Variants in NCOA5 observed in about 807,000 individuals in gnomAD.
NCOA5 encodes nuclear receptor coactivator 5.
In NCOA5, 12 loss-of-function variants were observed where a neutral mutation model predicts 59.0. The observed-to-expected ratio is 0.20, with a 90% CI of 0.13 to 0.33. NCOA5 has a LOEUF of 0.33. Ranked by LOEUF, NCOA5 falls within the 10% of genes least tolerant of loss-of-function variation. The probability of loss-of-function intolerance (pLI) is 1.00; values close to 1 mark genes in which losing one functional copy is unlikely to be tolerated. For synonymous variants in NCOA5, 270 were observed against 275.5 expected (o/e 0.98, Z 0.20); for missense variants, 655 against 766.6 (o/e 0.85, Z 1.72).
At chr20:46,076,199 C>T (rs1204021015) in intron 2 of NCOA5, among the ~76,000 whole-genome samples, 1 of 150,374 alleles carries the variant, frequency 6.7e-6, no homozygotes, top group Non-Finnish European at 1.5e-5. Flanking sequence ...TTTTTTTTCC[C>T]CTGTGAATGA....
rs1291201014 is a variant in NCOA5, at chr20:46,061,206, AC to A, written c.*1093del. ...CTCACCCCTGCTAGAGGACCTCAAGACTGTGATCCACAGGGCTCTACTGAGC... is the reference window on the plus strand; with the variant it reads ...CTCACCCCTGCTAGAGGACCTCAAGATGTGATCCACAGGGCTCTACTGAGC... On this transcript the variant is annotated 3_prime_UTR_variant, in exon 8 of 8. Transcript: ENST00000290231. The A allele has an allele frequency of 6.6e-6, 1 of 152,444 alleles. No homozygotes were observed. The highest frequency in any genetic ancestry group is 2.4e-5 in the African/African-American group (1 of 41,418). The allele number at this position is 152,444 out of a possible 1,614,324, so 9.4% of individuals were successfully genotyped here.
intron 1 of NCOA5, among the ~76,000 whole-genome samples, chr20:46,080,946 G>C (rs2084985815): frequency 6.6e-6 from 1 of 152,064 alleles, no homozygotes; most frequent in African/African-American, 2.4e-5. Context: ...ATAATGACAG[G>C]CCTTATAGGG....
At chr20:46,068,172 G>A (rs2084844110) in intron 4 of NCOA5, among the ~76,000 whole-genome samples, 1 of 152,144 alleles carries the variant, frequency 6.6e-6, no homozygotes, top group African/African-American at 2.4e-5. Flanking sequence ...GGGCTCAAGT[G>A]ATCTGCCGGC....
Position 46,065,095 on chromosome 20 carries a change from C to T in NCOA5, c.763G>A (p.Val255Ile). 1 of 1,614,164 alleles carries T rather than the reference C, an allele frequency of 6.2e-7. No individual in the cohort carries two copies. Among genetic ancestry groups the T allele is most frequent in the East Asian group, 2.2e-5 (1 of 44,876 alleles). ...VSRGGSPFAI[V>I]ITQQHQIHRS... ...TGAATCTGGTGTTGCTGGGTGATGA[C>T]AATAGCAAAAGGAGAACCTCCCCTG... The change falls in exon 6 of 8, where the codon GTC becomes ATC. Residue 255 changes from valine to isoleucine, a missense_variant. Physicochemically the swap from Val to Ile is conservative, Grantham distance 29. This residue lies in a region of NCOA5 where 80 missense variants were observed against 153.3 expected (regional missense o/e 0.52). Transcript: ENST00000290231.
At position 46,081,749 on chromosome 20, in the gene NCOA5, C is replaced by T. The variant is rs576983289; in HGVS notation, c.-29-2296G>A. ...TTCCTTAAATTTCCATCTGGGCTGACGTATGGAGAAAATGAGACCTGGATT... is the reference window on the plus strand; with the variant it reads ...TTCCTTAAATTTCCATCTGGGCTGATGTATGGAGAAAATGAGACCTGGATT... On this transcript the variant is annotated intron_variant, in intron 1 of 7. Coordinates refer to ENST00000290231, the MANE Select transcript of NCOA5 (RefSeq NM_020967.3). Among the ~76,000 whole-genome samples, 8 of 150,744 alleles carry T rather than the reference C, an allele frequency of 5.3e-5. No homozygotes were observed. In the East Asian group the frequency reaches 1.2e-3, roughly 22 times the overall value.
intron 1 of NCOA5, among the ~76,000 whole-genome samples, chr20:46,087,142 G>A (rs1338539706): frequency 6.6e-6 from 1 of 152,160 alleles, no homozygotes; most frequent in Non-Finnish European, 1.5e-5. Context: ...TTTACCATAT[G>A]CACTACTGGC....
rs180908386 is a variant in NCOA5 at position 46,077,259 on chromosome 20, G to A, written c.38+2128C>T. Among the ~76,000 whole-genome samples, 71 of 152,224 alleles carry A rather than the reference G, an allele frequency of 4.7e-4. No individual in the cohort carries two copies. The East Asian group carries it at 0.011, about 24-fold the overall frequency. ...TCCAGTGCTGTCTGTATGTTTGTTT[G>A]TGCGGGGACTATTATTTAAAAAAAG... On this transcript the variant is annotated intron_variant, in intron 2 of 7. Transcript: ENST00000290231.
At chr20:46,070,126 G>A in intron 3 of NCOA5, 84 bp downstream of exon 3, 1 of 1,066,630 alleles carries the variant, frequency 9.4e-7, no homozygotes, top group Non-Finnish European at 1.4e-6. Context: ...TAAAATGACT[G>A]CTCTTACAGA....
chr20:46,063,697 CA>C lies in NCOA5; in HGVS notation c.830-18del, dbSNP rs751278858. 5 of 1,606,390 alleles carry C rather than the reference CA, an allele frequency of 3.1e-6. No individual in the cohort carries two copies. The East Asian group carries it at 1.1e-4, about 36-fold the overall frequency. On this transcript the variant is annotated intron_variant, in intron 6 of 7. Transcript: ENST00000290231. ...TGCGATGCTCTGTAGGAGGAAATGACATGAGTTATTTTCTTCCATGACATAT... is the reference window on the plus strand; with the variant it reads ...TGCGATGCTCTGTAGGAGGAAATGACTGAGTTATTTTCTTCCATGACATAT...
intron 1 of NCOA5, among the ~76,000 whole-genome samples, chr20:46,088,592 A>G (rs1426234668): frequency 2.0e-5 from 3 of 152,236 alleles, no homozygotes; most frequent in African/African-American, 7.2e-5. Flanking sequence ...ACAGGGGGCT[A>G]CGACATCACA....
intron 4 of NCOA5, 44 bp downstream of exon 4, chr20:46,068,458 A>G (rs2084847200): frequency 1.3e-6 from 2 of 1,563,838 alleles, no homozygotes; most frequent in Admixed American, 4.0e-5. Context: ...TCTTTTGTAA[A>G]GTGTTCTATC....
chr20:46,067,295 T>C lies in NCOA5; in HGVS notation c.503-114A>G, dbSNP rs2084834917. On this transcript the variant is annotated intron_variant, in intron 4 of 7. Coordinates refer to ENST00000290231, the MANE Select transcript of NCOA5 (RefSeq NM_020967.3). ...TGAATCAATCCTCTGGTCTATCTCCTAAAAACAGCCAGTATTAATATTTTT... is the reference window on the plus strand; with the variant it reads ...TGAATCAATCCTCTGGTCTATCTCCCAAAAACAGCCAGTATTAATATTTTT... 5 of 1,218,152 alleles carry C rather than the reference T, an allele frequency of 4.1e-6. No individual in the cohort carries two copies. The South Asian group carries it at 8.4e-5, about 20-fold the overall frequency. 75.5% of individuals were successfully genotyped at this position (1,218,152 alleles called of 1,614,324 possible).
intron 1 of NCOA5, among the ~76,000 whole-genome samples, chr20:46,082,704 A>G (rs1461759039): frequency 2.6e-5 from 4 of 152,304 alleles, no homozygotes; most frequent in South Asian, 4.1e-4. Flanking sequence ...CTGAATATCT[A>G]TAGTGTCCAA....
At chr20:46,088,985 T>C (rs1002283423) in intron 1 of NCOA5, among the ~76,000 whole-genome samples, 1 of 152,156 alleles carries the variant, frequency 6.6e-6, no homozygotes, top group African/African-American at 2.4e-5. Flanking sequence ...CTTAAATATA[T>C]TTAAGGAGAA....
chr20:46,088,993 GAA>G (rs1209011000), intron 1 of NCOA5, among the ~76,000 whole-genome samples: 5 of 152,088 alleles, frequency 3.3e-5, no homozygotes, highest in Non-Finnish European at 5.9e-5. Flanking sequence ...TATTTAAGGA[GAA>G]AAAAAGAGTC....
At position 46,079,455 on chromosome 20, in the gene NCOA5, T is replaced by A. The variant is rs778997565; in HGVS notation, c.-29-2A>T. 1 of 1,610,616 alleles carries A rather than the reference T, an allele frequency of 6.2e-7. No homozygotes were observed. Among genetic ancestry groups the A allele is most frequent in the Non-Finnish European group, 8.5e-7 (1 of 1,177,050 alleles). On this transcript the variant is annotated splice_acceptor_variant, in intron 1 of 7. Transcript: ENST00000290231. LOFTEE classifies it low-confidence loss of function (5UTR_SPLICE). The stretch of plus-strand genomic sequence containing the variant: ...TTCTTTCCGCTGCCTTATTAATATC[T>A]GAAAAGAATAATCAACCCATCTGTT...
chr20:46,075,513 A>G (rs991783471), intron 2 of NCOA5, among the ~76,000 whole-genome samples: 1 of 152,214 alleles, frequency 6.6e-6, no homozygotes, highest in African/African-American at 2.4e-5. Context: ...TTCACCAAAG[A>G]GATACCAGGT....
chr20:46,064,220 G>T (rs550104563), intron 6 of NCOA5, among the ~76,000 whole-genome samples: 1 of 152,208 alleles, frequency 6.6e-6, no homozygotes, highest in African/African-American at 2.4e-5. Context: ...GGACTCCTTA[G>T]AACTTTTGTC....
rs9653615 is a variant in NCOA5, at chr20:46,070,254, G to A, written c.321C>T (p.Tyr107=). 0.011 allele frequency: 18,393 copies of A among 1,613,910 alleles called. 1,844 individuals are homozygous for A. In the African/African-American group the frequency reaches 0.21, roughly 19 times the overall value. Residue 107 remains tyrosine (Y), a synonymous_variant, in exon 3 of 8, where the codon TAC becomes TAT. Coordinates refer to ENST00000290231, the MANE Select transcript of NCOA5 (RefSeq NM_020967.3). Reference sequence around the variant, plus strand: ...AGTCTCTCATGTCTCTGTATCTGTCGTACATGGGGTCTCGCTGATCTCGAA... The same window carrying A: ...AGTCTCTCATGTCTCTGTATCTGTCATACATGGGGTCTCGCTGATCTCGAA... ...RDFRDQRDPM[Y]DRYRDMRDSR...
Sources: gnomAD v4.1 joint callset for allele counts (sites outside exome capture counted in the v4.1 genomes callset) on GRCh38, gnomAD v4.1.1 for gene constraint, gnomAD v4.1.1 regional missense constraint, MANE v1.5 for transcripts, NCBI Gene and HGNC (gene_info 2026-07-23, HGNC 2026-07-21) for gene names.